The following FBXL7 variants were observed in gnomAD, a reference collection of about 807,000 sequenced individuals.
FBXL7 encodes F-box and leucine rich repeat protein 7, also known as F-box/LRR-repeat protein 7.
Under a neutral mutation model 38.3 loss-of-function variants are expected in FBXL7, and 12 were observed. The observed-to-expected ratio is 0.31, with a 90% CI of 0.20 to 0.51. FBXL7 has a LOEUF of 0.51. Ranked by LOEUF, FBXL7 falls within the 20% of genes least tolerant of loss-of-function variation. The pLI, the probability that FBXL7 is intolerant of heterozygous loss-of-function variation, is 0.98. For missense variants in FBXL7, 567 were observed against 676.4 expected (o/e 0.84, Z 1.79); for synonymous variants, 297 against 300.9 (o/e 0.99, Z 0.13).
chr5:15,508,271 C>T (rs1159692493), intron 1 of FBXL7, among the ~76,000 whole-genome samples: 1 of 152,092 alleles, frequency 6.6e-6, no homozygotes, highest in Non-Finnish European at 1.5e-5. Flanking sequence ...TGGGTACTCA[C>T]AGTACAGGTT....
At chr5:15,670,998 T>C (rs1183594633) in intron 2 of FBXL7, among the ~76,000 whole-genome samples, 1 of 152,114 alleles carries the variant, frequency 6.6e-6, no homozygotes, top group Non-Finnish European at 1.5e-5. Context: ...CCTTCTCCTT[T>C]AATTATTCTC....
chr5:15,634,113 A>G (rs1225287185), intron 2 of FBXL7, among the ~76,000 whole-genome samples: 1 of 152,010 alleles, frequency 6.6e-6, no homozygotes, highest in Non-Finnish European at 1.5e-5. Flanking sequence ...TCAAAAATAA[A>G]TTACATTCTA....
At chr5:15,832,257 A>C (rs1215646429) in intron 2 of FBXL7, among the ~76,000 whole-genome samples, 1 of 152,208 alleles carries the variant, frequency 6.6e-6, no homozygotes, top group Non-Finnish European at 1.5e-5. Flanking sequence ...GCAGAGAAAA[A>C]AGATATAGAA....
intron 1 of FBXL7, among the ~76,000 whole-genome samples, chr5:15,563,218 T>A (rs1438732477): frequency 1.3e-5 from 2 of 152,138 alleles, no homozygotes; most frequent in Admixed American, 6.6e-5. Flanking sequence ...TCTTTGCATC[T>A]TCAGTACTTA....
intron 2 of FBXL7, among the ~76,000 whole-genome samples, chr5:15,883,795 A>T (rs1357368754): frequency 6.6e-6 from 1 of 152,232 alleles, no homozygotes; most frequent in Non-Finnish European, 1.5e-5. Context: ...TTACCAGACC[A>T]TTCCAAGTAG....
chr5:15,585,676 A>G (rs1375058982), intron 1 of FBXL7, among the ~76,000 whole-genome samples: 1 of 152,224 alleles, frequency 6.6e-6, no homozygotes, highest in African/African-American at 2.4e-5. Context: ...AGGCTCAGAT[A>G]CCATTAACTC....
chr5:15,912,778 G>T (rs891334923), intron 2 of FBXL7, among the ~76,000 whole-genome samples: 4 of 152,116 alleles, frequency 2.6e-5, no homozygotes, highest in African/African-American at 9.7e-5. Context: ...CGAAACGCCA[G>T]TCTTTGTGCT....
chr5:15,730,724 T>C (rs1735559104), intron 2 of FBXL7, among the ~76,000 whole-genome samples: 1 of 152,224 alleles, frequency 6.6e-6, no homozygotes, highest in Non-Finnish European at 1.5e-5. Flanking sequence ...TATTTATTTC[T>C]AGGGCATATT....
chr5:15,569,127 A>G (rs1738682815), intron 1 of FBXL7, among the ~76,000 whole-genome samples: 1 of 152,228 alleles, frequency 6.6e-6, no homozygotes, highest in Admixed American at 6.5e-5. Context: ...TTCTGTGAAG[A>G]AAGTCATTGG....
At chr5:15,520,455 G>A (rs1368323857) in intron 1 of FBXL7, among the ~76,000 whole-genome samples, 1 of 152,194 alleles carries the variant, frequency 6.6e-6, no homozygotes, top group African/African-American at 2.4e-5. Context: ...ATGGGAAATA[G>A]AATTGTATTT....
chr5:15,689,001 G>A, intron 2 of FBXL7, among the ~76,000 whole-genome samples: 1 of 152,284 alleles, frequency 6.6e-6, no homozygotes, highest in Admixed American at 6.5e-5. Context: ...CAAAGACAGA[G>A]CCAGTGAATC....
At chr5:15,868,367 C>G (rs552949551) in intron 2 of FBXL7, among the ~76,000 whole-genome samples, 1 of 152,284 alleles carries the variant, frequency 6.6e-6, no homozygotes, top group South Asian at 2.1e-4. Flanking sequence ...GAATTCTGAC[C>G]CACAAAACTG....
At position 15,505,625 on chromosome 5, in the gene FBXL7, C is replaced by T. The variant is rs1020868606; in HGVS notation, c.37+4912C>T. Among the ~76,000 whole-genome samples the T allele has an allele frequency of 1.8e-4, 28 of 151,944 alleles. 1 individual carries two copies. The highest frequency in any genetic ancestry group is 3.5e-4 in the Non-Finnish European group (24 of 67,990). On this transcript the variant is annotated intron_variant, in intron 1 of 3. Coordinates refer to ENST00000504595, the MANE Select transcript of FBXL7 (RefSeq NM_012304.5). ...TGGTACACTATAAGGGGCTAAGGTC[C>T]CTGAATAAAGAAAATTGTCAGATTA...
intron 2 of FBXL7, among the ~76,000 whole-genome samples, chr5:15,651,637 G>A (rs6554891): frequency 0.16 from 23,900 of 152,152 alleles, 1,970 homozygotes; most frequent in Non-Finnish European, 0.18. Context: ...CAGATGTGCC[G>A]TTATTCAGCT....
At chr5:15,552,943 G>A (rs1373158510) in intron 1 of FBXL7, among the ~76,000 whole-genome samples, 2 of 152,056 alleles carry the variant, frequency 1.3e-5, no homozygotes, top group African/African-American at 4.8e-5. Context: ...TTAGCCAGGC[G>A]TGATGGCACG....
chr5:15,936,707 G>A lies in FBXL7; in HGVS notation c.997G>A (p.Asp333Asn). 2 of 1,608,158 alleles carry A rather than the reference G, an allele frequency of 1.2e-6. No homozygotes were observed. Among genetic ancestry groups the A allele is most frequent in the Middle Eastern group, 1.7e-4 (1 of 6,058 alleles). The change falls in exon 4 of 4, where the codon GAC becomes AAC. Residue 333 changes from aspartate (D) to asparagine (N), a missense_variant. Asp to Asn is a conservative substitution (Grantham distance 23). Coordinates refer to ENST00000504595, the MANE Select transcript of FBXL7 (RefSeq NM_012304.5). The surrounding 1 kb of genome is among the most constrained non-coding windows in gnomAD (Gnocchi z 6.0). ...CASIKELSVS[D>N]CRFVSDFGLR... Reference sequence around the variant, plus strand: ...CTCCATCAAGGAGCTGAGCGTCAGCGACTGCCGCTTCGTCAGCGACTTCGG... The same window carrying A: ...CTCCATCAAGGAGCTGAGCGTCAGCAACTGCCGCTTCGTCAGCGACTTCGG...
chr5:15,658,935 A>G (rs1270817162), intron 2 of FBXL7, among the ~76,000 whole-genome samples: 2 of 152,046 alleles, frequency 1.3e-5, no homozygotes, highest in African/African-American at 2.4e-5. Flanking sequence ...TGGGCATAAG[A>G]CAATATGAGG....
chr5:15,646,767 G>A (rs1741544305), intron 2 of FBXL7, among the ~76,000 whole-genome samples: 1 of 152,164 alleles, frequency 6.6e-6, no homozygotes, highest in African/African-American at 2.4e-5. Flanking sequence ...TTATGTTCTG[G>A]ACTATATGAG....
At chr5:15,634,507 G>T (rs535536583) in intron 2 of FBXL7, among the ~76,000 whole-genome samples, 3 of 77,110 alleles carry the variant, frequency 3.9e-5, no homozygotes, top group Admixed American at 1.3e-4. Flanking sequence ...TTTTTAGTTG[G>T]GGGGGGGGTT....
Sources: gnomAD v4.1 joint callset for allele counts (sites outside exome capture counted in the v4.1 genomes callset) on GRCh38, gnomAD v4.1.1 for gene constraint, Gnocchi (gnomAD v3.1) non-coding constraint, MANE v1.5 for transcripts, NCBI Gene and HGNC (gene_info 2026-07-23, HGNC 2026-07-21) for gene names.